Variants in PALM2AKAP2 observed in about 807,000 individuals in gnomAD.
The protein encoded by PALM2AKAP2 is PALM2-AKAP2 fusion protein.
PALM2AKAP2 carries 37 observed loss-of-function variants against 71.5 expected under a neutral mutation model. The observed-to-expected ratio is 0.52, with a 90% CI of 0.40 to 0.68. PALM2AKAP2 has a LOEUF of 0.68. PALM2AKAP2 is among the 30% of genes least tolerant of loss of function. The pLI is 0.00. For missense variants in PALM2AKAP2, 1,224 were observed against 1,191.8 expected, an observed-to-expected ratio of 1.03 and a Z score of -0.40; for synonymous variants, 468 against 478.8, an observed-to-expected ratio of 0.98 and a Z score of 0.29.
intron 1 of PALM2AKAP2, among the ~76,000 whole-genome samples, chr9:110,104,219 A>C (rs1214986115): frequency 2.6e-5 from 4 of 152,090 alleles, no homozygotes; most frequent in African/African-American, 9.7e-5. Context: ...TTTTGAGTTC[A>C]ATCTGGTCGC....
intron 1 of PALM2AKAP2, among the ~76,000 whole-genome samples, chr9:109,827,855 C>G (rs773354536): frequency 1.3e-5 from 2 of 152,046 alleles, no homozygotes; most frequent in Non-Finnish European, 2.9e-5. Context: ...GTGTGTAAAA[C>G]TTCAGTTTAA....
intron 1 of PALM2AKAP2, among the ~76,000 whole-genome samples, chr9:109,811,313 T>A (rs1239629428): frequency 6.6e-6 from 1 of 152,014 alleles, no homozygotes; most frequent in Non-Finnish European, 1.5e-5. Flanking sequence ...GGACTGTGGG[T>A]ATGATGATGG....
At chr9:109,970,458 C>T (rs1832044530) in intron 6 of PALM2AKAP2, among the ~76,000 whole-genome samples, 1 of 152,176 alleles carries the variant, frequency 6.6e-6, no homozygotes, top group African/African-American at 2.4e-5. Flanking sequence ...AAATGTGGAG[C>T]TTAGTGAACT....
chr9:109,658,030 AT>A (rs1236802505), intron 1 of PALM2AKAP2, among the ~76,000 whole-genome samples: 3 of 151,656 alleles, frequency 2.0e-5, no homozygotes, highest in Non-Finnish European at 4.4e-5. Context: ...AGGCCAAAGT[AT>A]TTTGGCTTGA....
chr9:109,883,710 A>G (rs1829905308), intron 3 of PALM2AKAP2, among the ~76,000 whole-genome samples: 1 of 152,184 alleles, frequency 6.6e-6, no homozygotes, highest in Non-Finnish European at 1.5e-5. Context: ...ACAGAATGAC[A>G]TTTGAATAGT....
At chr9:109,873,868 A>G (rs1829661682) in intron 2 of PALM2AKAP2, among the ~76,000 whole-genome samples, 1 of 152,150 alleles carries the variant, frequency 6.6e-6, no homozygotes, top group African/African-American at 2.4e-5. Flanking sequence ...TAGGCTGGGC[A>G]CAGTGGTTCA....
chr9:110,033,680 A>G (rs1564270315), intron 7 of PALM2AKAP2, among the ~76,000 whole-genome samples: 1 of 152,214 alleles, frequency 6.6e-6, no homozygotes, highest in Non-Finnish European at 1.5e-5. Flanking sequence ...TAATGAGTAA[A>G]TATTTCTTTT....
intron 3 of PALM2AKAP2, among the ~76,000 whole-genome samples, chr9:109,904,563 G>A (rs530560891): frequency 7.7e-4 from 117 of 152,162 alleles, no homozygotes; most frequent in Non-Finnish European, 1.4e-3. Flanking sequence ...AGTCTGTCTT[G>A]AACTCTCTTA....
intron 1 of PALM2AKAP2, among the ~76,000 whole-genome samples, chr9:110,122,176 C>T (rs1033504861): frequency 6.6e-6 from 1 of 152,118 alleles, no homozygotes; most frequent in African/African-American, 2.4e-5. Context: ...ACTATAGGTG[C>T]ATGCCACCGA....
intron 6 of PALM2AKAP2, among the ~76,000 whole-genome samples, chr9:109,998,880 G>A (rs1273399546): frequency 6.6e-6 from 1 of 152,016 alleles, no homozygotes; most frequent in Admixed American, 6.6e-5. Context: ...AGGTGACTTT[G>A]TAGAGGAGGC....
intron 1 of PALM2AKAP2, among the ~76,000 whole-genome samples, chr9:109,707,534 G>A (rs371934537): frequency 6.6e-6 from 1 of 152,146 alleles, no homozygotes; most frequent in Non-Finnish European, 1.5e-5. Context: ...GGTAGTGCAA[G>A]GCATGGCCAC....
chr9:110,039,348 T>C (rs576577980), intron 7 of PALM2AKAP2, among the ~76,000 whole-genome samples: 25 of 151,978 alleles, frequency 1.6e-4, no homozygotes, highest in Non-Finnish European at 3.2e-4. Flanking sequence ...ACAAGAAAAA[T>C]TTTTTTTGAT....
intron 6 of PALM2AKAP2, among the ~76,000 whole-genome samples, chr9:109,999,393 A>T (rs1287249219): frequency 2.0e-5 from 3 of 151,820 alleles, no homozygotes; most frequent in Non-Finnish European, 4.4e-5. Context: ...AAATAAAAAT[A>T]AAAAAAATGT....
intron 1 of PALM2AKAP2, among the ~76,000 whole-genome samples, chr9:109,852,401 T>A (rs137894678): frequency 0.01 from 1,589 of 152,322 alleles, 36 homozygotes; most frequent in African/African-American, 0.037. Context: ...TAGTATTCCA[T>A]GGTGTATATG....
intron 6 of PALM2AKAP2, chr9:109,943,158 A>C: frequency 6.2e-7 from 1 of 1,614,244 alleles, no homozygotes; most frequent in African/African-American, 1.3e-5. Context: ...TCGAGGATGA[A>C]GAGGAGACGA....
At chr9:110,088,985 G>C (rs1834644791) in intron 1 of PALM2AKAP2, among the ~76,000 whole-genome samples, 1 of 152,048 alleles carries the variant, frequency 6.6e-6, no homozygotes, top group African/African-American at 2.4e-5. Flanking sequence ...CTCCCAAAGT[G>C]CTGGCATTTC....
chr9:109,698,164 G>A (rs763940091), intron 1 of PALM2AKAP2, among the ~76,000 whole-genome samples: 1 of 151,982 alleles, frequency 6.6e-6, no homozygotes, highest in African/African-American at 2.4e-5. Context: ...CCTTTTTGCA[G>A]CTGAGACATG....
At chr9:109,839,301 T>A (rs998153519) in intron 1 of PALM2AKAP2, among the ~76,000 whole-genome samples, 2 of 152,140 alleles carry the variant, frequency 1.3e-5, no homozygotes, top group African/African-American at 4.8e-5. Context: ...ATTATCTCAA[T>A]AGATGCAGAA....
At chr9:110,000,660 C>T (rs1832665756) in intron 6 of PALM2AKAP2, among the ~76,000 whole-genome samples, 1 of 152,196 alleles carries the variant, frequency 6.6e-6, no homozygotes, top group South Asian at 2.1e-4. Flanking sequence ...TTCTCTACAT[C>T]CTCTCCAGCA....
Sources: allele counts gnomAD v4.1 joint callset (sites outside exome capture counted in the v4.1 genomes callset), GRCh38; gene constraint gnomAD v4.1.1; transcripts MANE v1.5; gene names NCBI Gene and HGNC (gene_info 2026-07-23, HGNC 2026-07-21).